Variants in XKR4 observed in about 807,000 individuals in gnomAD.
XKR4 encodes the protein XK-related protein 4.
A neutral mutation model predicts 53.9 loss-of-function variants in XKR4; 12 were observed. The observed-to-expected ratio is 0.22, with a 90% CI of 0.14 to 0.36. The LOEUF is 0.36. Ranked by LOEUF, XKR4 falls within the 10% of genes least tolerant of loss-of-function variation. XKR4 has a pLI of 1.00. For synonymous variants in XKR4, 354 were observed against 362.4 expected, an observed-to-expected ratio of 0.98 and a Z score of 0.26; for missense variants, 799 against 859.5, an observed-to-expected ratio of 0.93 and a Z score of 0.88.
chr8:55,504,441 C>T (rs187084857), intron 2 of XKR4, among the ~76,000 whole-genome samples: 6 of 151,864 alleles, frequency 4.0e-5, no homozygotes, highest in Admixed American at 2.6e-4. Flanking sequence ...TCTCCAACTC[C>T]TGATCTCAGG....
intron 1 of XKR4, among the ~76,000 whole-genome samples, chr8:55,259,122 C>T (rs966481393): frequency 1.3e-5 from 2 of 152,176 alleles, no homozygotes; most frequent in African/African-American, 4.8e-5. Context: ...AGAAGGTGAA[C>T]TTCATACTGG....
intron 2 of XKR4, among the ~76,000 whole-genome samples, chr8:55,491,213 A>G (rs2129402194): frequency 6.6e-6 from 1 of 152,220 alleles, no homozygotes; most frequent in Admixed American, 6.5e-5. Flanking sequence ...CATGATGTCC[A>G]TGTTTTCTTC....
intron 2 of XKR4, chr8:55,450,538 G>C (rs1381864896): frequency 3.0e-6 from 2 of 670,024 alleles, no homozygotes; most frequent in Middle Eastern, 3.7e-4. Flanking sequence ...GGAAGGTCTA[G>C]AAACAGCGGG....
At chr8:55,105,783 A>T (rs1816138119) in intron 1 of XKR4, among the ~76,000 whole-genome samples, 1 of 152,230 alleles carries the variant, frequency 6.6e-6, no homozygotes, top group African/African-American at 2.4e-5. Flanking sequence ...ACAAAACTTT[A>T]GCCTAATGTA....
At chr8:55,410,864 C>A (rs555121155) in intron 2 of XKR4, among the ~76,000 whole-genome samples, 9 of 152,176 alleles carry the variant, frequency 5.9e-5, no homozygotes, top group Admixed American at 2.6e-4. Flanking sequence ...GTGTTCTAGG[C>A]TGTTCCCCAA....
At chr8:55,290,045 A>G (rs950151466) in intron 1 of XKR4, among the ~76,000 whole-genome samples, 3 of 151,884 alleles carry the variant, frequency 2.0e-5, no homozygotes, top group African/African-American at 7.2e-5. Flanking sequence ...GTAAGTGTTT[A>G]GTGATACCTC....
chr8:55,444,701 G>A (rs909045128), intron 2 of XKR4, among the ~76,000 whole-genome samples: 1 of 152,272 alleles, frequency 6.6e-6, no homozygotes, highest in African/African-American at 2.4e-5. Context: ...TAGTGACAGG[G>A]ACTCTTGCGT....
intron 1 of XKR4, among the ~76,000 whole-genome samples, chr8:55,189,375 G>A (rs992522080): frequency 2.0e-5 from 3 of 152,210 alleles, no homozygotes; most frequent in South Asian, 2.1e-4. Flanking sequence ...CTCAATGAAC[G>A]GCGGGGATAC....
intron 1 of XKR4, among the ~76,000 whole-genome samples, chr8:55,213,403 G>A (rs1240103973): frequency 6.6e-6 from 1 of 152,150 alleles, no homozygotes; most frequent in Non-Finnish European, 1.5e-5. Context: ...AATCTGGGTG[G>A]CATCAGCTGA....
chr8:55,541,849 G>A lies in XKR4; in HGVS notation c.*17622G>A, dbSNP rs1344801563. On this transcript the variant is annotated 3_prime_UTR_variant, in exon 3 of 3. Transcript: ENST00000327381. The stretch of plus-strand genomic sequence containing the variant: ...TATTCGCGGGAGGCCACTGTCAGCA[G>A]GCAGTGACCCCCAGTGCCCTAGTTT... 6.6e-6 allele frequency: 1 copy of A among 152,098 alleles called. No homozygotes were observed. Among genetic ancestry groups the A allele is most frequent in the Non-Finnish European group, 1.5e-5 (1 of 68,016 alleles). 9.4% of individuals were successfully genotyped at this position (152,098 alleles called of 1,614,324 possible). A position where few individuals can be genotyped will look rare whatever the true frequency, so the allele number is the denominator to read the frequency against.
At chr8:55,284,229 G>T (rs1005143769) in intron 1 of XKR4, among the ~76,000 whole-genome samples, 3 of 152,064 alleles carry the variant, frequency 2.0e-5, no homozygotes, top group Admixed American at 2.0e-4. Flanking sequence ...AATTTACTAG[G>T]TTATATAATG....
chr8:55,519,425 C>T (rs1806766850), intron 2 of XKR4, among the ~76,000 whole-genome samples: 1 of 152,194 alleles, frequency 6.6e-6, no homozygotes, highest in Non-Finnish European at 1.5e-5. Context: ...ATATTCCTGC[C>T]TAGCAATGTA....
At chr8:55,456,827 A>C (rs1353083362) in intron 2 of XKR4, among the ~76,000 whole-genome samples, 2 of 152,196 alleles carry the variant, frequency 1.3e-5, no homozygotes, top group East Asian at 3.9e-4. Flanking sequence ...GGGTCTCAGA[A>C]GTAAAAAAGA....
intron 1 of XKR4, among the ~76,000 whole-genome samples, chr8:55,189,542 A>C (rs1259727643): frequency 6.6e-6 from 1 of 152,194 alleles, no homozygotes; most frequent in Non-Finnish European, 1.5e-5. Flanking sequence ...ATTGTACTGA[A>C]TACTGTAGGC....
At chr8:55,154,525 A>C (rs1816880413) in intron 1 of XKR4, among the ~76,000 whole-genome samples, 1 of 152,210 alleles carries the variant, frequency 6.6e-6, no homozygotes, top group Non-Finnish European at 1.5e-5. Flanking sequence ...CAGTGACATC[A>C]GTTATTAGAT....
chr8:55,463,925 G>A (rs1207037238), intron 2 of XKR4, among the ~76,000 whole-genome samples: 1 of 152,106 alleles, frequency 6.6e-6, no homozygotes, highest in African/African-American at 2.4e-5. Flanking sequence ...GACTAAACCA[G>A]GAGGAAGTTG....
intron 2 of XKR4, among the ~76,000 whole-genome samples, chr8:55,504,033 T>C (rs993574909): frequency 6.6e-6 from 1 of 152,194 alleles, no homozygotes; most frequent in East Asian, 1.9e-4. Flanking sequence ...TCTTAAATCA[T>C]CCTTGTATTT....
chr8:55,364,446 C>T (rs185295711), intron 2 of XKR4, among the ~76,000 whole-genome samples: 26 of 152,298 alleles, frequency 1.7e-4, no homozygotes, highest in East Asian at 1.9e-4. Flanking sequence ...GTGTTCTCCC[C>T]GATGCCCCTC....
chr8:55,179,774 C>T (rs1817282760), intron 1 of XKR4, among the ~76,000 whole-genome samples: 1 of 152,180 alleles, frequency 6.6e-6, no homozygotes. Flanking sequence ...TGCACTGTGA[C>T]TGGCATAATG....
Sources: gnomAD v4.1 joint callset for allele counts (sites outside exome capture counted in the v4.1 genomes callset) on GRCh38, gnomAD v4.1.1 for gene constraint, MANE v1.5 for transcripts, NCBI Gene and HGNC (gene_info 2026-07-23, HGNC 2026-07-21) for gene names.